Variants in PITPNC1 observed in about 807,000 individuals in gnomAD.
PITPNC1 encodes phosphatidylinositol transfer protein cytoplasmic 1.
PITPNC1 carries 18 observed loss-of-function variants against 44.7 expected under a neutral mutation model. That is an observed-to-expected ratio of 0.40 (90% confidence interval 0.28 to 0.60). PITPNC1 has a LOEUF of 0.60. Ranked by LOEUF, PITPNC1 falls within the 20% of genes least tolerant of loss-of-function variation. The pLI is 0.39. For missense variants in PITPNC1, 290 were observed against 418.4 expected, an observed-to-expected ratio of 0.69 and a Z score of 2.68; for synonymous variants, 141 against 149.6, an observed-to-expected ratio of 0.94 and a Z score of 0.42.
intron 1 of PITPNC1, among the ~76,000 whole-genome samples, chr17:67,511,772 G>A (rs1295689039): frequency 1.3e-5 from 2 of 152,126 alleles, no homozygotes; most frequent in African/African-American, 4.8e-5. Flanking sequence ...GCCTCCCAAA[G>A]TGCTGGGATT....
chr17:67,570,169 C>T (rs756535892), intron 4 of PITPNC1, among the ~76,000 whole-genome samples: 26 of 152,146 alleles, frequency 1.7e-4, no homozygotes, highest in Admixed American at 1.3e-4. Flanking sequence ...CGGACGTGCA[C>T]CCTTTAGATC....
intron 6 of PITPNC1, among the ~76,000 whole-genome samples, chr17:67,654,495 C>T (rs1353671162): frequency 2.0e-5 from 3 of 152,202 alleles, no homozygotes; most frequent in Admixed American, 6.5e-5. Flanking sequence ...TGCACTACAG[C>T]ATCTCTCAGG....
intron 1 of PITPNC1, among the ~76,000 whole-genome samples, chr17:67,507,945 G>A (rs1048419300): frequency 8.5e-5 from 13 of 152,142 alleles, no homozygotes; most frequent in African/African-American, 2.9e-4. Context: ...AACCTGGATC[G>A]CTTTCCTGGG....
chr17:67,534,552 C>T (rs2040503566), intron 2 of PITPNC1, among the ~76,000 whole-genome samples: 1 of 151,516 alleles, frequency 6.6e-6, no homozygotes, highest in Non-Finnish European at 1.5e-5. Flanking sequence ...GTGGGAGGAT[C>T]GCTTGAGCCT....
At chr17:67,463,571 C>T (rs2039377283) in intron 1 of PITPNC1, among the ~76,000 whole-genome samples, 1 of 152,154 alleles carries the variant, frequency 6.6e-6, no homozygotes, top group African/African-American at 2.4e-5. Context: ...GAGAAGCTGC[C>T]TGAATGTGAA....
At chr17:67,513,597 G>A (rs2040220601) in intron 1 of PITPNC1, among the ~76,000 whole-genome samples, 1 of 151,548 alleles carries the variant, frequency 6.6e-6, no homozygotes, top group Admixed American at 6.6e-5. Context: ...TGGGAGTAAA[G>A]CTCACTTTGC....
At chr17:67,652,447 G>A (rs961053526) in intron 6 of PITPNC1, among the ~76,000 whole-genome samples, 6 of 152,278 alleles carry the variant, frequency 3.9e-5, no homozygotes, top group South Asian at 2.1e-4. Flanking sequence ...AAGATGTGCC[G>A]AAGTCCATCT....
intron 1 of PITPNC1, among the ~76,000 whole-genome samples, chr17:67,417,153 C>T (rs767325516): frequency 6.7e-6 from 1 of 148,758 alleles, no homozygotes; most frequent in Non-Finnish European, 1.5e-5. Flanking sequence ...TTTTTTGAGA[C>T]ATGGTTTTGC....
intron 1 of PITPNC1, among the ~76,000 whole-genome samples, chr17:67,397,240 C>CA (rs2143812612): frequency 6.6e-6 from 1 of 152,268 alleles, no homozygotes; most frequent in South Asian, 2.1e-4. Flanking sequence ...CTCGGCCTCT[C>CA]AAAGTGCTGA....
intron 1 of PITPNC1, among the ~76,000 whole-genome samples, chr17:67,500,999 A>T (rs2040020846): frequency 6.6e-6 from 1 of 152,088 alleles, no homozygotes; most frequent in African/African-American, 2.4e-5. Flanking sequence ...CAAAAGAAAG[A>T]TTCTTAACTG....
chr17:67,692,671 TC>T lies in PITPNC1; in HGVS notation c.787del (p.Leu263CysfsTer53). On this transcript the variant is annotated frameshift_variant, in exon 9 of 9. Transcript: ENST00000581322. LOFTEE classifies it high-confidence loss of function. ...CCACCTGCAATTTCTATCTCCAGCA[TC>T]CCCCTGCTGCCTTCTTCCGTCCGCA... ...IFPPAISISS[I>X]PLLPSSVRSA... The T allele has an allele frequency of 6.2e-7, 1 of 1,613,390 alleles. No homozygotes were observed.
chr17:67,574,206 A>C (rs1238612620), intron 4 of PITPNC1, among the ~76,000 whole-genome samples: 2 of 152,236 alleles, frequency 1.3e-5, no homozygotes, highest in Admixed American at 6.5e-5. Flanking sequence ...ACTGGGGCTG[A>C]GAACAGTAAA....
chr17:67,469,890 GATATATA>G (rs1174382071), intron 1 of PITPNC1, among the ~76,000 whole-genome samples: 1 of 151,996 alleles, frequency 6.6e-6, no homozygotes, highest in Non-Finnish European at 1.5e-5. Context: ...GCTTTACTGT[GATATATA>G]ATATATATAT....
At chr17:67,403,241 A>AAAAAAAAAAAAAAAAAAT (rs2038349084) in intron 1 of PITPNC1, among the ~76,000 whole-genome samples, 1 of 149,764 alleles carries the variant, frequency 6.7e-6, no homozygotes, top group African/African-American at 2.5e-5. Context: ...AAAAAAAAAA[A>AAAAAAAAAAAAAAAAAAT]GTCATGACTG....
At chr17:67,573,179 G>A (rs2041086628) in intron 4 of PITPNC1, among the ~76,000 whole-genome samples, 1 of 152,164 alleles carries the variant, frequency 6.6e-6, no homozygotes, top group African/African-American at 2.4e-5. Context: ...GAACCTGTAG[G>A]GTCTTTGTTG....
At chr17:67,503,584 C>A (rs1456036075) in intron 1 of PITPNC1, among the ~76,000 whole-genome samples, 1 of 152,106 alleles carries the variant, frequency 6.6e-6, no homozygotes, top group African/African-American at 2.4e-5. Context: ...AGGGGAAAAG[C>A]CATACAAATG....
At chr17:67,422,417 A>C (rs563644266) in intron 1 of PITPNC1, among the ~76,000 whole-genome samples, 4 of 152,286 alleles carry the variant, frequency 2.6e-5, no homozygotes, top group African/African-American at 9.6e-5. Flanking sequence ...AATAGAGATG[A>C]GGTCTTGCTA....
At chr17:67,613,456 C>T (rs1361321127) in intron 5 of PITPNC1, 4 of 151,844 alleles carry the variant, frequency 2.6e-5, no homozygotes, top group African/African-American at 4.8e-5. Flanking sequence ...TTATAAATAA[C>T]GTTAAAAAAG....
intron 5 of PITPNC1, among the ~76,000 whole-genome samples, chr17:67,591,422 A>G (rs79834551): frequency 0.023 from 3,457 of 152,312 alleles, 102 homozygotes; most frequent in East Asian, 0.097. Flanking sequence ...AGATAATAGT[A>G]TTATATCAAT....
Sources: gnomAD v4.1 joint callset for allele counts (sites outside exome capture counted in the v4.1 genomes callset) on GRCh38, gnomAD v4.1.1 for gene constraint, MANE v1.5 for transcripts, NCBI Gene and HGNC (gene_info 2026-07-23, HGNC 2026-07-21) for gene names.